The following ADCY5 variants were observed in gnomAD, a reference collection of about 807,000 sequenced individuals.
The protein encoded by ADCY5 is adenylate cyclase type 5.
A neutral mutation model predicts 119.7 loss-of-function variants in ADCY5; 30 were observed. The observed-to-expected ratio is 0.25, with a 90% CI of 0.19 to 0.34. The LOEUF (loss-of-function observed/expected upper bound fraction) is 0.34. ADCY5 is among the 10% of genes least tolerant of loss of function. The pLI, the probability that ADCY5 is intolerant of heterozygous loss-of-function variation, is 1.00. For synonymous variants in ADCY5, 753 were observed against 762.2 expected, an observed-to-expected ratio of 0.99 and a Z score of 0.20; for missense variants, 1,324 against 1,775.2, an observed-to-expected ratio of 0.75 and a Z score of 4.57.
At position 123,319,624 on chromosome 3, in the gene ADCY5, C is replaced by G. The variant is rs1251849412; in HGVS notation, c.2256+50G>C. On this transcript the variant is annotated intron_variant, in intron 10 of 20. Transcript: ENST00000462833. The stretch of plus-strand genomic sequence containing the variant: ...CCTCCTGTTTTCTTGCCCTCCTCCT[C>G]CTGGTCCTGGTTCAGCACAGGGGCC... 4 of 1,599,262 alleles carry G rather than the reference C, an allele frequency of 2.5e-6. No homozygotes were observed. The Admixed American group carries it at 6.7e-5, about 27-fold the overall frequency.
chr3:123,289,181 C>T (rs1190991529), intron 19 of ADCY5, among the ~76,000 whole-genome samples: 1 of 152,176 alleles, frequency 6.6e-6, no homozygotes, highest in Non-Finnish European at 1.5e-5. Context: ...TTGCAGATTA[C>T]ATGTTTGATG....
chr3:123,333,117 G>C (rs1160774358), intron 3 of ADCY5, among the ~76,000 whole-genome samples: 1 of 152,140 alleles, frequency 6.6e-6, no homozygotes, highest in Non-Finnish European at 1.5e-5. Flanking sequence ...AAGATAATGA[G>C]GTCACAAGGG....
chr3:123,349,739 C>T (rs1306954612), intron 2 of ADCY5, among the ~76,000 whole-genome samples: 1 of 152,128 alleles, frequency 6.6e-6, no homozygotes, highest in African/African-American at 2.4e-5. Context: ...GCTGAAGCAC[C>T]CTCTCCACCC....
chr3:123,359,463 C>T (rs1286839925), intron 1 of ADCY5, among the ~76,000 whole-genome samples: 2 of 151,044 alleles, frequency 1.3e-5, no homozygotes, highest in Admixed American at 6.6e-5. Context: ...CTCCCCCAGT[C>T]GTGACAACCC....
At chr3:123,367,877 T>C in intron 1 of ADCY5, 1 of 1,515,224 alleles carries the variant, frequency 6.6e-7, no homozygotes, top group South Asian at 1.3e-5. Flanking sequence ...AAAGAGAAAA[T>C]GAAACTGCCA....
chr3:123,356,976 T>C (rs1266709485), intron 1 of ADCY5, among the ~76,000 whole-genome samples: 1 of 152,002 alleles, frequency 6.6e-6, no homozygotes, highest in South Asian at 2.1e-4. Flanking sequence ...TATGCTAAAA[T>C]GAAGGAAGCC....
intron 1 of ADCY5, among the ~76,000 whole-genome samples, chr3:123,354,741 G>A (rs1244458749): frequency 6.6e-6 from 1 of 152,186 alleles, no homozygotes; most frequent in Non-Finnish European, 1.5e-5. Flanking sequence ...AGTGCATCAT[G>A]AAAATACTAT....
At chr3:123,372,000 C>G (rs560928366) in intron 1 of ADCY5, among the ~76,000 whole-genome samples, 11 of 152,310 alleles carry the variant, frequency 7.2e-5, no homozygotes, top group Admixed American at 2.0e-4. Context: ...CCTGCCCCAC[C>G]TTCTGCTGGG....
At chr3:123,396,770 GA>G (rs1944592967) in intron 1 of ADCY5, among the ~76,000 whole-genome samples, 1 of 100,450 alleles carries the variant, frequency 1.0e-5, no homozygotes, top group African/African-American at 3.8e-5. Context: ...AGGAAGGAAG[GA>G]AGGAAGGAAG....
chr3:123,385,541 G>A (rs535783556), intron 1 of ADCY5, among the ~76,000 whole-genome samples: 2 of 152,280 alleles, frequency 1.3e-5, no homozygotes, highest in African/African-American at 4.8e-5. Context: ...ACAGGGGTGT[G>A]TACAGGGTGG....
intron 1 of ADCY5, among the ~76,000 whole-genome samples, chr3:123,387,116 T>G (rs925628558): frequency 6.6e-6 from 1 of 152,206 alleles, no homozygotes. Context: ...CTATAATCAA[T>G]GGTACAAATA....
chr3:123,405,481 T>C (rs905187347), intron 1 of ADCY5, among the ~76,000 whole-genome samples: 1 of 152,078 alleles, frequency 6.6e-6, no homozygotes, highest in African/African-American at 2.4e-5. Context: ...ACCTGAGAGA[T>C]CTGTGAGAGG....
At chr3:123,328,234 G>C (rs1275093001) in intron 6 of ADCY5, among the ~76,000 whole-genome samples, 1 of 152,094 alleles carries the variant, frequency 6.6e-6, no homozygotes, top group Non-Finnish European at 1.5e-5. Flanking sequence ...TTGCCTCGCT[G>C]TGTTCCCTCC....
chr3:123,349,873 A>G (rs1306354550), intron 2 of ADCY5, among the ~76,000 whole-genome samples: 1 of 152,210 alleles, frequency 6.6e-6, no homozygotes, highest in Non-Finnish European at 1.5e-5. Context: ...ACTGCAAGCA[A>G]GCAACTGCTT....
intron 1 of ADCY5, among the ~76,000 whole-genome samples, chr3:123,366,032 C>CA (rs1378142925): frequency 6.6e-6 from 1 of 152,128 alleles, no homozygotes; most frequent in African/African-American, 2.4e-5. Context: ...GTTGTAAATA[C>CA]AAAACGCACT....
At chr3:123,384,256 G>A (rs893981670) in intron 1 of ADCY5, among the ~76,000 whole-genome samples, 1 of 152,228 alleles carries the variant, frequency 6.6e-6, no homozygotes, top group African/African-American at 2.4e-5. Flanking sequence ...GGGACCTGCT[G>A]TCCCCTCTGA....
chr3:123,317,693 C>T (rs1444040631), intron 11 of ADCY5, among the ~76,000 whole-genome samples: 1 of 151,748 alleles, frequency 6.6e-6, no homozygotes, highest in Non-Finnish European at 1.5e-5. Flanking sequence ...CAAGATCATG[C>T]CTCTGCACTC....
chr3:123,300,000 G>A (rs1036230146), intron 15 of ADCY5, 120 bp downstream of exon 15: 38 of 1,099,612 alleles, frequency 3.5e-5, no homozygotes, highest in Non-Finnish European at 4.4e-5. Context: ...CAGGGCTGGG[G>A]AGGAACAAGA....
intron 12 of ADCY5, among the ~76,000 whole-genome samples, chr3:123,309,258 C>T (rs1940410565): frequency 6.6e-6 from 1 of 152,114 alleles, no homozygotes; most frequent in African/African-American, 2.4e-5. Flanking sequence ...AAGAATACAG[C>T]CTCTTTGACA....
Sources: gnomAD v4.1 joint callset for allele counts (sites outside exome capture counted in the v4.1 genomes callset) on GRCh38, gnomAD v4.1.1 for gene constraint, MANE v1.5 for transcripts, NCBI Gene and HGNC (gene_info 2026-07-23, HGNC 2026-07-21) for gene names.